Variants in AFP observed in about 807,000 individuals in gnomAD.
AFP encodes the protein alpha-fetoprotein.
Under a neutral mutation model 78.9 loss-of-function variants are expected in AFP, and 64 were observed. The observed-to-expected ratio is 0.81, with a 90% confidence interval of 0.66 to 1.00. The LOEUF (loss-of-function observed/expected upper bound fraction) is 1.00. AFP is among the 50% of genes least tolerant of loss of function. The pLI is 0.00. For missense variants in AFP, 689 were observed against 703.8 expected, an observed-to-expected ratio of 0.98 and a Z score of 0.24; for synonymous variants, 254 against 243.8, an observed-to-expected ratio of 1.04 and a Z score of -0.39.
intron 5 of AFP, 62 bp from the exon 6 acceptor site, chr4:73,443,285 T>A: frequency 7.9e-7 from 1 of 1,267,352 alleles, no homozygotes; most frequent in Non-Finnish European, 1.2e-6. Context: ...TTCTAAATAT[T>A]AGAGCTTGTA....
Position 73,452,375 on chromosome 4 carries a change from C to CT in AFP, c.1429-18dup, listed in dbSNP as rs760772930. On this transcript the variant is annotated intron_variant, in intron 11 of 14. Transcript: ENST00000395792. ...TTGTGACTAATGCCCAATCTCCTTA[C>CT]TTTTTTTTCTCATTCTCCTAACCAG... The CT allele has an allele frequency of 6.2e-6, 10 of 1,601,348 alleles. No homozygotes were observed. In the East Asian group the frequency reaches 6.7e-5, roughly 11 times the overall value.
At chr4:73,440,913 G>C in intron 4 of AFP, 100 bp downstream of exon 4, 1 of 1,113,124 alleles carries the variant, frequency 9.0e-7, no homozygotes, top group Non-Finnish European at 1.3e-6. Flanking sequence ...CCCAGTAAGA[G>C]GTATAATGTT....
intron 5 of AFP, 32 bp downstream of exon 5, chr4:73,442,460 A>G (rs1719698784): frequency 1.2e-6 from 2 of 1,612,154 alleles, no homozygotes; most frequent in African/African-American, 1.3e-5. Context: ...CTGAACCAGT[A>G]CTGTAGTCTA....
Position 73,450,149 on chromosome 4 carries a change from C to A in AFP, c.1289+16C>A. 1 of 1,571,264 alleles carries A rather than the reference C, an allele frequency of 6.4e-7. No individual in the cohort carries two copies. Among genetic ancestry groups the A allele is most frequent in the Non-Finnish European group, 8.7e-7 (1 of 1,143,100 alleles). On this transcript the variant is annotated intron_variant, in intron 10 of 14. Transcript: ENST00000395792. Reference sequence around the variant, plus strand: ...TACAAAATGCGTATGTTTTTGTAAACAGTATTTTTAGTGAATTAAAATTAT... The same window carrying A: ...TACAAAATGCGTATGTTTTTGTAAAAAGTATTTTTAGTGAATTAAAATTAT...
chr4:73,452,920 A>T (rs1720046956), intron 12 of AFP, among the ~76,000 whole-genome samples: 1 of 152,192 alleles, frequency 6.6e-6, no homozygotes, highest in African/African-American at 2.4e-5. Context: ...TATTCTGAGG[A>T]ATTAGAGTGT....
chr4:73,442,130 A>G (rs1310407757), intron 4 of AFP, among the ~76,000 whole-genome samples, 166 bp from the exon 5 acceptor site: 1 of 152,220 alleles, frequency 6.6e-6, no homozygotes, highest in African/African-American at 2.4e-5. Context: ...CAACATGTGG[A>G]AAAAATATGA....
In AFP at chr4:73,447,562, T is replaced by G; in HGVS notation, c.944T>G (p.Ile315Ser). The change falls in exon 8 of 15, where the codon ATT becomes AGT. Residue 315 changes from isoleucine to serine, a missense_variant. By Grantham distance (142) the Ile-to-Ser change is moderately radical (BLOSUM62 -2). Coordinates refer to ENST00000395792, the MANE Select transcript of AFP (RefSeq NM_001134.3). ...LTTLERGQCIIHAENDEKPEG... is the reference protein window; with the variant it reads ...LTTLERGQCISHAENDEKPEG... ...ACGCTGGAACGTGGTCAATGTATAA[T>G]TCATGCAGAAAATGATGAAAAACCT... The G allele has an allele frequency of 6.2e-7, 1 of 1,612,734 alleles. No homozygotes were observed. The highest frequency in any genetic ancestry group is 8.5e-7 in the Non-Finnish European group (1 of 1,179,638).
At chr4:73,455,414 T>A in intron 14 of AFP, 124 bp downstream of exon 14, 1 of 871,214 alleles carries the variant, frequency 1.1e-6, no homozygotes, top group Middle Eastern at 2.8e-4. Flanking sequence ...CAAAAAAAAG[T>A]TTATTTTAAA....
At chr4:73,446,408 G>A (rs1719827380) in intron 7 of AFP, among the ~76,000 whole-genome samples, 2 of 152,262 alleles carry the variant, frequency 1.3e-5, no homozygotes, top group East Asian at 1.9e-4. Context: ...TGATATGTAA[G>A]TTGGATTTTG....
At chr4:73,445,338 G>T (rs1719789317) in intron 7 of AFP, among the ~76,000 whole-genome samples, 1 of 151,844 alleles carries the variant, frequency 6.6e-6, no homozygotes, top group Non-Finnish European at 1.5e-5. Context: ...GTGAAACCAA[G>T]GCTCATCTAT....
At chr4:73,439,758 C>T (rs2149333186) in intron 3 of AFP, among the ~76,000 whole-genome samples, 1 of 152,254 alleles carries the variant, frequency 6.6e-6, no homozygotes, top group Middle Eastern at 3.4e-3. Flanking sequence ...CATTTTAAAA[C>T]ATTTTAGCTA....
At chr4:73,442,198 T>G (rs1472168780) in intron 4 of AFP, 98 bp from the exon 5 acceptor site, 2 of 1,205,500 alleles carry the variant, frequency 1.7e-6, no homozygotes, top group Non-Finnish European at 2.4e-6. Flanking sequence ...GTTGTTGTTG[T>G]TTTTGAATCT....
chr4:73,451,606 C>T (rs542566010), intron 11 of AFP, among the ~76,000 whole-genome samples: 31 of 152,198 alleles, frequency 2.0e-4, no homozygotes, highest in Non-Finnish European at 3.1e-4. Context: ...GTGTATGTTC[C>T]GGAGGCCACC....
At chr4:73,453,738 T>C (rs200243751) in intron 12 of AFP, 27 bp from the exon 13 acceptor site, 123 of 1,611,106 alleles carry the variant, frequency 7.6e-5, no homozygotes, top group Middle Eastern at 1.6e-4. Context: ...AGACTTCTCT[T>C]GTATTTTGTT....
chr4:73,452,744 T>G (rs1720041768), intron 12 of AFP, 120 bp downstream of exon 12: 2 of 821,104 alleles, frequency 2.4e-6, no homozygotes, highest in Non-Finnish European at 4.0e-6. Context: ...CCCAAAACAC[T>G]TAAAATGCCT....
chr4:73,438,419 G>T lies in AFP; in HGVS notation c.270+113G>T, dbSNP rs1316963227. 4 of 1,205,242 alleles carry T rather than the reference G, an allele frequency of 3.3e-6. No individual in the cohort carries two copies. In the Admixed American group the frequency reaches 6.3e-5, roughly 19 times the overall value. The allele number at this position is 1,205,242 out of a possible 1,614,324, so 74.7% of individuals were successfully genotyped here. Reference sequence around the variant, plus strand: ...GCATTTATATATTTGAAGAGCTATTGTATGAAAGAGGGATTAGATTCATTC... The same window carrying T: ...GCATTTATATATTTGAAGAGCTATTTTATGAAAGAGGGATTAGATTCATTC... On this transcript the variant is annotated intron_variant, in intron 3 of 14. Transcript: ENST00000395792.
In AFP at chr4:73,448,985, C is replaced by A. The variant is rs138009766; in HGVS notation, c.1059-350C>A. On this transcript the variant is annotated intron_variant, in intron 8 of 14. Transcript: ENST00000395792. Reference sequence around the variant, plus strand: ...CCTATAATGTGTGCTTTTCAGAGGGCAGGTATTTATCTTAGACATCATTGA... The same window carrying A: ...CCTATAATGTGTGCTTTTCAGAGGGAAGGTATTTATCTTAGACATCATTGA... Among the ~76,000 whole-genome samples the A allele has an allele frequency of 6.9e-3, 1,049 of 152,144 alleles. 11 individuals carry two copies. The highest frequency in any genetic ancestry group is 0.024 in the African/African-American group (1,015 of 41,522).
At chr4:73,453,315 C>T in intron 12 of AFP, among the ~76,000 whole-genome samples, 1 of 152,274 alleles carries the variant, frequency 6.6e-6, no homozygotes, top group East Asian at 1.9e-4. Flanking sequence ...CTTTCTATTG[C>T]TCTGGTCTAA....
At position 73,446,474 on chromosome 4, in the gene AFP, C is replaced by A. The variant is rs374165102; in HGVS notation, c.844-988C>A. Among the ~76,000 whole-genome samples the A allele has an allele frequency of 1.7e-4, 26 of 152,218 alleles. 1 individual carries two copies. Among genetic ancestry groups the A allele is most frequent in the African/African-American group, 6.3e-4 (26 of 41,530 alleles). On this transcript the variant is annotated intron_variant, in intron 7 of 14. Transcript: ENST00000395792. ...GCTGAGAATGTACAGAATTTTCAGT[C>A]CCATGACAGGTATATATGTAAGCTC...
Sources: allele counts gnomAD v4.1 joint callset (sites outside exome capture counted in the v4.1 genomes callset), GRCh38; gene constraint gnomAD v4.1.1; transcripts MANE v1.5; gene names NCBI Gene and HGNC (gene_info 2026-07-23, HGNC 2026-07-21).